The following RGS5 variants were observed in gnomAD, a reference collection of about 807,000 sequenced individuals.
RGS5 encodes the protein regulator of G protein signaling 5, also known as regulator of G-protein signalling 5.
In RGS5, 20 loss-of-function variants were observed where a neutral mutation model predicts 18.9. That is an observed-to-expected ratio of 1.06 (90% CI 0.74 to 1.54). The LOEUF (loss-of-function observed/expected upper bound fraction) is 1.54, where lower values mean the gene tolerates loss of function less well. RGS5 is among the 40% of genes most tolerant of loss of function. The pLI, the probability that RGS5 is intolerant of heterozygous loss-of-function variation, is 0.00. For synonymous variants in RGS5, 57 were observed against 76.2 expected (o/e 0.75, Z 1.31); for missense variants, 201 against 211.8 (o/e 0.95, Z 0.32).
intron 2 of RGS5, 150 bp downstream of exon 2, chr1:163,168,107 AG>A (rs1658132754): frequency 3.7e-6 from 2 of 543,238 alleles, no homozygotes; most frequent in Non-Finnish European, 6.5e-6. Context: ...AAAAAAAAAA[AG>A]AGCTTCTTTG....
intron 1 of RGS5, among the ~76,000 whole-genome samples, chr1:163,313,999 ATG>A (rs869300225): frequency 1.9e-4 from 1 of 5,158 alleles, no homozygotes; most frequent in African/African-American, 8.6e-4. Flanking sequence ...TAAGATATAT[ATG>A]TGTGTGTGTG....
chr1:163,296,985 C>T (rs1333566789), intron 2 of RGS5, among the ~76,000 whole-genome samples: 1 of 152,120 alleles, frequency 6.6e-6, no homozygotes, highest in Non-Finnish European at 1.5e-5. Flanking sequence ...GAAAAGGACA[C>T]TAAATCACTA....
At chr1:163,297,546 G>A (rs1649452084) in intron 2 of RGS5, among the ~76,000 whole-genome samples, 1 of 151,060 alleles carries the variant, frequency 6.6e-6, no homozygotes, top group Non-Finnish European at 1.5e-5. Context: ...CCTCTTAGCT[G>A]GGTCTTTCCC....
At chr1:163,155,935 T>G (rs1328141066) in intron 3 of RGS5, among the ~76,000 whole-genome samples, 1 of 152,150 alleles carries the variant, frequency 6.6e-6, no homozygotes, top group Non-Finnish European at 1.5e-5. Context: ...GAGTTCGCCC[T>G]AATGAATGGT....
At chr1:163,263,049 T>G (rs1406598730) in intron 2 of RGS5, among the ~76,000 whole-genome samples, 1 of 152,196 alleles carries the variant, frequency 6.6e-6, no homozygotes, top group Non-Finnish European at 1.5e-5. Context: ...AACCCACATC[T>G]TATGAAATAA....
At chr1:163,217,629 A>G (rs1043004955) in exon 1 of RGS5, 2 of 1,536,118 alleles carry the variant, frequency 1.3e-6, no homozygotes, top group African/African-American at 2.8e-5. Flanking sequence ...GTTTTGTCAG[A>G]CACTTCTTTC....
chr1:163,250,851 G>A (rs1177205216), intron 2 of RGS5, among the ~76,000 whole-genome samples: 2 of 152,052 alleles, frequency 1.3e-5, no homozygotes, highest in African/African-American at 4.8e-5. Flanking sequence ...TCCATAAAAG[G>A]GAAAAAATTT....
intron 4 of RGS5, among the ~76,000 whole-genome samples, chr1:163,147,923 T>TTTTCTTTC (rs1450642560): frequency 1.5e-5 from 2 of 132,670 alleles, no homozygotes; most frequent in South Asian, 2.7e-4. Context: ...TTTTTCTTTT[T>TTTTCTTTC]TTTTTTTTTT....
chr1:163,273,557 G>A (rs73033879), intron 2 of RGS5, among the ~76,000 whole-genome samples: 153 of 151,766 alleles, frequency 1.0e-3, no homozygotes, highest in African/African-American at 3.6e-3. Flanking sequence ...CTATTCATTC[G>A]ATCATTGGGG....
At chr1:163,197,485 T>C (rs761660037) in intron 1 of RGS5, among the ~76,000 whole-genome samples, 5 of 152,302 alleles carry the variant, frequency 3.3e-5, no homozygotes, top group Admixed American at 6.5e-5. Flanking sequence ...ATTGCAACAC[T>C]GAGCATTAAT....
At chr1:163,214,543 C>CTGA (rs1660175734) in intron 1 of RGS5, among the ~76,000 whole-genome samples, 1 of 152,028 alleles carries the variant, frequency 6.6e-6, no homozygotes, top group Non-Finnish European at 1.5e-5. Context: ...TTCCTTCGGG[C>CTGA]TCATTCTCCA....
chr1:163,279,320 C>G (rs1197977810), intron 2 of RGS5, among the ~76,000 whole-genome samples: 5 of 151,974 alleles, frequency 3.3e-5, no homozygotes, highest in Non-Finnish European at 7.4e-5. Context: ...TATCAAGTAT[C>G]TTCTTGGATC....
chr1:163,313,007 T>A (rs949075207), intron 1 of RGS5, among the ~76,000 whole-genome samples: 9 of 152,312 alleles, frequency 5.9e-5, no homozygotes, highest in Admixed American at 2.0e-4. Flanking sequence ...CTACTTTCTG[T>A]CTTTCAACCT....
In RGS5 at chr1:163,173,911, T is replaced by C. The variant is rs185841016; in HGVS notation, c.45-5543A>G. On this transcript the variant is annotated intron_variant, in intron 1 of 4. Transcript: ENST00000313961. ...CAAGATGGTGAAACCCCATCTCTAC[T>C]GAAAATACAAAAAAAATTAGCCAAG... Among the ~76,000 whole-genome samples, 13 of 152,082 alleles carry C rather than the reference T, an allele frequency of 8.5e-5. No homozygotes were observed. In the East Asian group the frequency reaches 2.1e-3, roughly 25 times the overall value.
At chr1:163,206,525 C>T (rs1474785498), upstream of RGS5, among the ~76,000 whole-genome samples, 1 of 151,990 alleles carries the variant, frequency 6.6e-6, no homozygotes, top group African/African-American at 2.4e-5. Context: ...GAACGTTTCC[C>T]TCAAAATTCA....
At chr1:163,198,597 A>G (rs567596853) in intron 1 of RGS5, among the ~76,000 whole-genome samples, 139 of 152,244 alleles carry the variant, frequency 9.1e-4, no homozygotes, top group African/African-American at 3.3e-3. Flanking sequence ...AACATAAAGC[A>G]ACCAGTTCAA....
intron 1 of RGS5, chr1:163,211,008 G>C (rs61810848): frequency 0.12 from 18,025 of 152,226 alleles, 1,424 homozygotes; most frequent in South Asian, 0.19. Context: ...CAAGCTAAGA[G>C]CATTTAGGAA....
upstream of RGS5, chr1:163,203,083 A>G: frequency 2.1e-6 from 1 of 469,858 alleles, no homozygotes; most frequent in African/African-American, 2.0e-5. Context: ...ACTGTGGCAT[A>G]AGGCTTTCAT....
At chr1:163,172,593 C>T (rs1658353572) in intron 1 of RGS5, 1 of 1,549,762 alleles carries the variant, frequency 6.5e-7, no homozygotes, top group Non-Finnish European at 8.7e-7. Context: ...CATATTTGCC[C>T]TGGAAATGTA....
Sources: allele counts gnomAD v4.1 joint callset (sites outside exome capture counted in the v4.1 genomes callset), GRCh38; gene constraint gnomAD v4.1.1; transcripts MANE v1.5; gene names NCBI Gene and HGNC (gene_info 2026-07-23, HGNC 2026-07-21).